The following CNOT9 variants were observed in gnomAD, a reference collection of about 807,000 sequenced individuals.
The protein encoded by CNOT9 is CCR4-NOT transcription complex subunit 9, also known as RCD1 required for cell differentiation1 homolog.
In CNOT9, 8 loss-of-function variants were observed where a neutral mutation model predicts 37.4. The observed-to-expected ratio is 0.21, with a 90% CI of 0.13 to 0.39. The LOEUF (loss-of-function observed/expected upper bound fraction) is 0.39, where lower values mean the gene tolerates loss of function less well. Ranked by LOEUF, CNOT9 falls within the 10% of genes least tolerant of loss-of-function variation. The probability of loss-of-function intolerance (pLI) is 1.00; values close to 1 mark genes in which losing one functional copy is unlikely to be tolerated. For missense variants in CNOT9, 154 were observed against 365.3 expected, an observed-to-expected ratio of 0.42 and a Z score of 4.71; for synonymous variants, 120 against 137.6, an observed-to-expected ratio of 0.87 and a Z score of 0.90.
chr2:218,574,046 C>G (rs546157500), intron 1 of CNOT9: 1 of 430,694 alleles, frequency 2.3e-6, no homozygotes, highest in South Asian at 1.6e-5. Context: ...CTTGGCTCAC[C>G]GCAACCTCGA....
intron 2 of CNOT9, among the ~76,000 whole-genome samples, chr2:218,581,715 A>G (rs1178791683): frequency 6.6e-6 from 1 of 152,126 alleles, no homozygotes; most frequent in Non-Finnish European, 1.5e-5. Context: ...TTCCATCTCT[A>G]TTGCATTTAG....
intron 1 of CNOT9, chr2:218,572,748 T>G (rs1694039587): frequency 4.2e-6 from 4 of 961,268 alleles, no homozygotes; most frequent in Non-Finnish European, 5.0e-6. Flanking sequence ...TGTTTTGTTT[T>G]TAATTTCCCA....
At chr2:218,575,393 T>C (rs978105562) in intron 1 of CNOT9, among the ~76,000 whole-genome samples, 2 of 149,520 alleles carry the variant, frequency 1.3e-5, no homozygotes, top group Non-Finnish European at 3.0e-5. Context: ...TTTTCTTTTT[T>C]TTTTTTTTTT....
At chr2:218,583,891 C>G (rs1694499000) in intron 3 of CNOT9, among the ~76,000 whole-genome samples, 1 of 152,148 alleles carries the variant, frequency 6.6e-6, no homozygotes, top group African/African-American at 2.4e-5. Context: ...TTATTAGTTG[C>G]CTGACTAAAC....
chr2:218,582,080 CAAAAA>C (rs34073662), intron 2 of CNOT9, among the ~76,000 whole-genome samples: 1 of 111,596 alleles, frequency 9.0e-6, no homozygotes, highest in African/African-American at 2.6e-5. Context: ...GACCCTGTCT[CAAAAA>C]AAAAGAAAAA....
chr2:218,585,027 TAAAG>T (rs556474102), intron 4 of CNOT9, among the ~76,000 whole-genome samples: 25 of 152,268 alleles, frequency 1.6e-4, no homozygotes, highest in Admixed American at 1.4e-3. Context: ...AGAGTATTAT[TAAAG>T]GAATAAGAGT....
At chr2:218,579,976 A>G (rs1181130670) in intron 1 of CNOT9, among the ~76,000 whole-genome samples, 1 of 119,834 alleles carries the variant, frequency 8.3e-6, no homozygotes, top group African/African-American at 3.2e-5. Flanking sequence ...GCACCACCAC[A>G]CCTGGCTTTT....
At chr2:218,591,695 A>G (rs1321450896) in intron 5 of CNOT9, among the ~76,000 whole-genome samples, 2 of 151,918 alleles carry the variant, frequency 1.3e-5, no homozygotes, top group Non-Finnish European at 2.9e-5. Flanking sequence ...GTGAGCTGAA[A>G]TGGAGCCACT....
At chr2:218,569,237 A>G (rs555839483) in intron 1 of CNOT9, among the ~76,000 whole-genome samples, 1 of 152,262 alleles carries the variant, frequency 6.6e-6, no homozygotes, top group South Asian at 2.1e-4. Flanking sequence ...CGCCCGTAGC[A>G]GGCCATTCAT....
rs546425593 is a variant in CNOT9 at position 218,568,860 on chromosome 2, T to G, written c.-95T>G. 7.0e-7 allele frequency: 1 copy of G among 1,422,850 alleles called. No individual in the cohort carries two copies. Among genetic ancestry groups the G allele is most frequent in the African/African-American group, 1.4e-5 (1 of 70,496 alleles). The allele number at this position is 1,422,850 out of a possible 1,614,324, so 88.1% of individuals were successfully genotyped here. On this transcript the variant is annotated 5_prime_UTR_variant, in exon 1 of 8. Transcript: ENST00000273064. ...GAGCGAGCCGGAGTCGGATGGCGGC[T>G]ACGGCGGCTCATTGTTTTCCGCTGC...
chr2:218,574,162 G>A, intron 1 of CNOT9: 1 of 295,508 alleles, frequency 3.4e-6, no homozygotes, highest in South Asian at 2.5e-5. Context: ...TAGGGGCAGG[G>A]TTTCACTGTG....
At chr2:218,585,640 T>TTTA (rs1421601796) in intron 4 of CNOT9, among the ~76,000 whole-genome samples, 82 of 41,042 alleles carry the variant, frequency 2.0e-3, no homozygotes, top group African/African-American at 2.4e-3. Context: ...TTTATTTTAT[T>TTTA]TTTTTTTTTT....
intron 1 of CNOT9, chr2:218,574,340 A>C (rs1694096822): frequency 6.4e-6 from 1 of 155,630 alleles, no homozygotes; most frequent in South Asian, 1.8e-4. Context: ...TGGAAGTGTT[A>C]AGGATAACTC....
In CNOT9 at chr2:218,597,055, T is replaced by C. The variant is rs988040191; in HGVS notation, c.*2779T>C. The C allele has an allele frequency of 3.3e-5, 5 of 152,196 alleles. No individual in the cohort carries two copies. Among genetic ancestry groups the C allele is most frequent in the Non-Finnish European group, 7.3e-5 (5 of 68,036 alleles). The allele number at this position is 152,196 out of a possible 1,614,324, so 9.4% of individuals were successfully genotyped here. A position where few individuals can be genotyped will look rare whatever the true frequency, so the allele number is the denominator to read the frequency against. ...AGGAAAAGGGGGATATACAAAGTTG[T>C]TGCTTTCAAAAACTCAGAGAAAAAA... On this transcript the variant is annotated 3_prime_UTR_variant, in exon 8 of 8. Transcript: ENST00000273064.
At chr2:218,579,146 T>A (rs1291017284) in intron 1 of CNOT9, among the ~76,000 whole-genome samples, 1 of 152,158 alleles carries the variant, frequency 6.6e-6, no homozygotes, top group East Asian at 1.9e-4. Flanking sequence ...TATGGTTTTT[T>A]AAAAAAAGTT....
chr2:218,588,587 C>A (rs950768347), intron 5 of CNOT9, among the ~76,000 whole-genome samples: 2 of 36,320 alleles, frequency 5.5e-5, no homozygotes, highest in Middle Eastern at 0.029. Flanking sequence ...CTCCACCCGG[C>A]CTTTTTTTTT....
chr2:218,573,779 G>GTAACT, intron 1 of CNOT9: 1 of 205,570 alleles, frequency 4.9e-6, no homozygotes, highest in African/African-American at 2.4e-5. Flanking sequence ...TTAACCATTG[G>GTAACT]TAACTTACTT....
intron 1 of CNOT9, among the ~76,000 whole-genome samples, chr2:218,577,070 C>A (rs1055490917): frequency 6.6e-6 from 1 of 152,028 alleles, no homozygotes; most frequent in Non-Finnish European, 1.5e-5. Context: ...TGCTAGAACA[C>A]CTGGGTACAA....
Position 218,596,991 on chromosome 2 carries a change from T to C in CNOT9, c.*2715T>C, listed in dbSNP as rs1489135034. The C allele has an allele frequency of 1.3e-5, 2 of 152,164 alleles. No homozygotes were observed. The highest frequency in any genetic ancestry group is 4.8e-5 in the African/African-American group (2 of 41,436). 9.4% of individuals were successfully genotyped at this position (152,164 alleles called of 1,614,324 possible). A position where few individuals can be genotyped will look rare whatever the true frequency, so the allele number is the denominator to read the frequency against. On this transcript the variant is annotated 3_prime_UTR_variant, in exon 8 of 8. Transcript: ENST00000273064. ...GAGCATGCCTTGCTTACTAACTACA[T>C]ATTATTCCTCTGCTCATTGTTCCTG...
Sources: allele counts gnomAD v4.1 joint callset (sites outside exome capture counted in the v4.1 genomes callset), GRCh38; gene constraint gnomAD v4.1.1; transcripts MANE v1.5; gene names NCBI Gene and HGNC (gene_info 2026-07-23, HGNC 2026-07-21).